The following WDR5B variants were observed in gnomAD, a reference collection of about 807,000 sequenced individuals.
WDR5B encodes the protein WD repeat-containing protein 5B.
In WDR5B, 17 loss-of-function variants were observed where a neutral mutation model predicts 24.0. That is an observed-to-expected ratio of 0.71 (90% CI 0.49 to 1.06). The LOEUF (loss-of-function observed/expected upper bound fraction) is 1.06, where lower values mean the gene tolerates loss of function less well. Ranked by LOEUF, WDR5B falls within the 50% of genes least tolerant of loss-of-function variation. The probability of loss-of-function intolerance (pLI) is 0.00; values close to 1 mark genes in which losing one functional copy is unlikely to be tolerated. For synonymous variants in WDR5B, 150 were observed against 146.4 expected (o/e 1.02, Z -0.18); for missense variants, 368 against 384.1 (o/e 0.96, Z 0.35).
Position 122,415,081 on chromosome 3 carries a change from T to C in WDR5B, c.448A>G (p.Lys150Glu). 1 of 1,614,194 alleles carries C rather than the reference T, an allele frequency of 6.2e-7. No homozygotes were observed. Among genetic ancestry groups the C allele is most frequent in the Non-Finnish European group, 8.5e-7 (1 of 1,180,044 alleles). ...TTTCCTGTTTTCACCTCCCATATTT[T>C]TACAGTCTCATCAAAAGATCCCGAG... is the stretch of plus-strand genomic sequence containing the variant. Reference protein sequence around the residue: ...IISGSFDETVKIWEVKTGKCL... With the variant: ...IISGSFDETVEIWEVKTGKCL... The change falls in exon 1 of 1, where the codon AAA (lysine) becomes GAA (glutamate). Residue 150 changes from lysine to glutamate, a missense_variant. By Grantham distance (56) the Lys-to-Glu change is moderately conservative. Coordinates refer to ENST00000330689, the MANE Select transcript of WDR5B (RefSeq NM_019069.4).
Position 122,414,369 on chromosome 3 carries a change from A to T in WDR5B, c.*167T>A. On this transcript the variant is annotated 3_prime_UTR_variant, in exon 1 of 1. Coordinates refer to ENST00000330689, the MANE Select transcript of WDR5B (RefSeq NM_019069.4). The stretch of plus-strand genomic sequence containing the variant: ...GATTGGTAGTCAGAAGCTGAATTCT[A>T]GATGTGCTTTTTCAACTATCTCATT... 1.2e-6 allele frequency: 1 copy of T among 854,978 alleles called. No individual in the cohort carries two copies. The highest frequency in any genetic ancestry group is 1.7e-6 in the Non-Finnish European group (1 of 577,626). The allele number at this position is 854,978 out of a possible 1,614,324, so 53.0% of individuals were successfully genotyped here.
Position 122,412,918 on chromosome 3 carries a change from A to G in WDR5B, c.*1618T>C, listed in dbSNP as rs886452528. 6.6e-6 allele frequency: 1 copy of G among 152,202 alleles called. No individual in the cohort carries two copies. The highest frequency in any genetic ancestry group is 2.4e-5 in the African/African-American group (1 of 41,428). 9.4% of individuals were successfully genotyped at this position (152,202 alleles called of 1,614,324 possible). On this transcript the variant is annotated 3_prime_UTR_variant, in exon 1 of 1. Transcript: ENST00000330689. The stretch of plus-strand genomic sequence containing the variant: ...ACACAGAATATTACCAAAAGTGTGC[A>G]GGTAGCATCTGCCATGTCTCTCCAG...
In WDR5B at chr3:122,414,617, A is replaced by G. The variant is rs1319698953; in HGVS notation, c.912T>C (p.Ala304=). 1.2e-6 allele frequency: 2 copies of G among 1,614,072 alleles called. No individual in the cohort carries two copies. Among genetic ancestry groups the G allele is most frequent in the Non-Finnish European group, 1.7e-6 (2 of 1,180,044 alleles). ...QGHTDVVISA[A]CHPTENLIAS... ...CGATGAGGTTTTCTGTAGGATGACA[A>G]GCTGCTGAGATCACAACATCTGTAT... Residue 304 remains alanine (A), a synonymous_variant, in exon 1 of 1, where the codon GCT becomes GCC. Coordinates refer to ENST00000330689, the MANE Select transcript of WDR5B (RefSeq NM_019069.4).
chr3:122,414,408 G>A lies in WDR5B; in HGVS notation c.*128C>T. ...AACTATCTCATTTTGTAAATGTAGT[G>A]TATGAATCTCAAAATTTAACAATAG... On this transcript the variant is annotated 3_prime_UTR_variant, in exon 1 of 1. Coordinates refer to ENST00000330689, the MANE Select transcript of WDR5B (RefSeq NM_019069.4). 2.7e-6 allele frequency: 3 copies of A among 1,131,366 alleles called. No homozygotes were observed. In the South Asian group the frequency reaches 4.9e-5, roughly 19 times the overall value. 70.1% of individuals were successfully genotyped at this position (1,131,366 alleles called of 1,614,324 possible). A position where few individuals can be genotyped will look rare whatever the true frequency, so the allele number is the denominator to read the frequency against.
In WDR5B at chr3:122,413,726, C is replaced by A. The variant is rs778651381; in HGVS notation, c.*810G>T. 5.9e-5 allele frequency: 9 copies of A among 152,208 alleles called. No individual in the cohort carries two copies. The highest frequency in any genetic ancestry group is 1.2e-4 in the Non-Finnish European group (8 of 68,030). The allele number at this position is 152,208 out of a possible 1,614,324, so 9.4% of individuals were successfully genotyped here. ...AACTAAAAACTACCATTCGATCCAGCAATCCCACTAGTAGGTATCTACCCA... is the reference window on the plus strand; with the variant it reads ...AACTAAAAACTACCATTCGATCCAGAAATCCCACTAGTAGGTATCTACCCA... On this transcript the variant is annotated 3_prime_UTR_variant, in exon 1 of 1. Coordinates refer to ENST00000330689, the MANE Select transcript of WDR5B (RefSeq NM_019069.4).
Position 122,415,406 on chromosome 3 carries a change from C to T in WDR5B, c.123G>A (p.Thr41=). The change falls in exon 1 of 1, where the codon ACG becomes ACA. Residue 41 remains threonine, a synonymous_variant. Transcript: ENST00000330689. The part of the protein sequence containing the change: ...YALKCTLVGH[T]EAVSSVKFSP... ...TAAACTTAACTGATGACACTGCTTC[C>T]GTGTGTCCCACAAGAGTACATTTGA... is the stretch of plus-strand genomic sequence containing the variant. 1 of 1,614,222 alleles carries T rather than the reference C, an allele frequency of 6.2e-7. No individual in the cohort carries two copies. Among genetic ancestry groups the T allele is most frequent in the Middle Eastern group, 1.6e-4 (1 of 6,062 alleles).
rs778680429 is a variant in WDR5B at position 122,414,812 on chromosome 3, A to G, written c.717T>C (p.Tyr239=). The G allele has an allele frequency of 3.5e-5, 57 of 1,614,060 alleles. No individual in the cohort carries two copies. Among genetic ancestry groups the G allele is most frequent in the Middle Eastern group, 1.6e-4 (1 of 6,084 alleles). Reference sequence around the variant, plus strand: ...ATGTTTTCAGGCACCTGCCTCTGCTATAATCCCATAGTTTAAGAGTGTTGT... The same window carrying G: ...ATGTTTTCAGGCACCTGCCTCTGCTGTAATCCCATAGTTTAAGAGTGTTGT... ...TLDNTLKLWD[Y]SRGRCLKTYT... is the part of the protein sequence containing the mutation. The change falls in exon 1 of 1, where the codon TAT becomes TAC. Residue 239 remains tyrosine, a synonymous_variant. Transcript: ENST00000330689.
rs768227519 is a variant in WDR5B at position 122,414,534 on chromosome 3, G to T, written c.*2C>A. The T allele has an allele frequency of 1.2e-6, 2 of 1,610,616 alleles. No homozygotes were observed. The highest frequency in any genetic ancestry group is 8.5e-7 in the Non-Finnish European group (1 of 1,177,472). On this transcript the variant is annotated 3_prime_UTR_variant, in exon 1 of 1. Transcript: ENST00000330689. Reference sequence around the variant, plus strand: ...GGCTCTACTACTTGATTTTCAAAGGGATTAGTGGTTACTCATCCACAGTTT... The same window carrying T: ...GGCTCTACTACTTGATTTTCAAAGGTATTAGTGGTTACTCATCCACAGTTT...
rs2075712803 is a variant in WDR5B, at chr3:122,413,048, TC to T, written c.*1487del. 3.9e-5 allele frequency: 6 copies of T among 152,322 alleles called. No homozygotes were observed. In the South Asian group the frequency reaches 1.2e-3, roughly 32 times the overall value. 9.4% of individuals were successfully genotyped at this position (152,322 alleles called of 1,614,324 possible). On this transcript the variant is annotated 3_prime_UTR_variant, in exon 1 of 1. Transcript: ENST00000330689. ...CTTGCTCCCCTCTTTTAATCAATCA[TC>T]CTGTCCTGTCAACTTTACTTCTAAA...
At position 122,412,997 on chromosome 3, in the gene WDR5B, G is replaced by C. The variant is rs890597847; in HGVS notation, c.*1539C>G. 1.3e-5 allele frequency: 2 copies of C among 152,128 alleles called. No individual in the cohort carries two copies. The highest frequency in any genetic ancestry group is 2.9e-5 in the Non-Finnish European group (2 of 68,030). The allele number at this position is 152,128 out of a possible 1,614,324, so 9.4% of individuals were successfully genotyped here. On this transcript the variant is annotated 3_prime_UTR_variant, in exon 1 of 1. Coordinates refer to ENST00000330689, the MANE Select transcript of WDR5B (RefSeq NM_019069.4). The stretch of plus-strand genomic sequence containing the variant: ...CTTGTTCATCTGATCTCCCAAACCA[G>C]AAACCCTGGAATTATTTCAAATTCC...
At position 122,414,047 on chromosome 3, in the gene WDR5B, C is replaced by T. The variant is rs775552949; in HGVS notation, c.*489G>A. The T allele has an allele frequency of 1.5e-4, 24 of 158,148 alleles. No individual in the cohort carries two copies. The highest frequency in any genetic ancestry group is 3.1e-4 in the Non-Finnish European group (22 of 71,648). The allele number at this position is 158,148 out of a possible 1,614,324, so 9.8% of individuals were successfully genotyped here. A position where few individuals can be genotyped will look rare whatever the true frequency, so the allele number is the denominator to read the frequency against. On this transcript the variant is annotated 3_prime_UTR_variant, in exon 1 of 1. Coordinates refer to ENST00000330689, the MANE Select transcript of WDR5B (RefSeq NM_019069.4). ...AAAAATAATGAAATCTTATCTTTTG[C>T]AACAACATGGATGGACCTGGAGGCC...
chr3:122,414,309 A>G lies in WDR5B; in HGVS notation c.*227T>C, dbSNP rs1344302988. On this transcript the variant is annotated 3_prime_UTR_variant, in exon 1 of 1. Coordinates refer to ENST00000330689, the MANE Select transcript of WDR5B (RefSeq NM_019069.4). ...TATATCCCTGTAATAAAAGTGACATAAATCCATAAAAATTACAAAAAGTTG... is the reference window on the plus strand; with the variant it reads ...TATATCCCTGTAATAAAAGTGACATGAATCCATAAAAATTACAAAAAGTTG... The G allele has an allele frequency of 6.6e-6, 4 of 604,230 alleles. No homozygotes were observed. Among genetic ancestry groups the G allele is most frequent in the Admixed American group, 3.4e-5 (1 of 29,660 alleles). The allele number at this position is 604,230 out of a possible 1,614,324, so 37.4% of individuals were successfully genotyped here. A position where few individuals can be genotyped will look rare whatever the true frequency, so the allele number is the denominator to read the frequency against.
rs1036811742 is a variant in WDR5B, at chr3:122,415,646, C to G, written c.-118G>C. 2.2e-6 allele frequency: 3 copies of G among 1,350,964 alleles called. No individual in the cohort carries two copies. The highest frequency in any genetic ancestry group is 3.0e-6 in the Non-Finnish European group (3 of 993,898). 83.7% of individuals were successfully genotyped at this position (1,350,964 alleles called of 1,614,324 possible). A position where few individuals can be genotyped will look rare whatever the true frequency, so the allele number is the denominator to read the frequency against. On this transcript the variant is annotated 5_prime_UTR_variant, in exon 1 of 1. Coordinates refer to ENST00000330689, the MANE Select transcript of WDR5B (RefSeq NM_019069.4). ...TAAACGCACAGGATTTTAAAATGTACAGTTTTGAAAGCTTAAAGTTTCTGG... is the reference window on the plus strand; with the variant it reads ...TAAACGCACAGGATTTTAAAATGTAGAGTTTTGAAAGCTTAAAGTTTCTGG...
chr3:122,415,239 C>T lies in WDR5B; in HGVS notation c.290G>A (p.Arg97His), dbSNP rs775481859. The change falls in exon 1 of 1, where the codon CGT becomes CAT. Residue 97 changes from arginine to histidine, a missense_variant. Transcript: ENST00000330689. ...TTTATCATCTGAGGCAGAAACAAGA[C>T]GACTGGAATCTGATGACCAGGCAAC... is the stretch of plus-strand genomic sequence containing the variant. ...SDVAWSSDSS[R>H]LVSASDDKTL... 6.2e-7 allele frequency: 1 copy of T among 1,614,208 alleles called. No homozygotes were observed. The highest frequency in any genetic ancestry group is 8.5e-7 in the Non-Finnish European group (1 of 1,180,048).
rs2075723521 is a variant in WDR5B at position 122,414,729 on chromosome 3, C to G, written c.800G>C (p.Gly267Ala). 6.2e-7 allele frequency: 1 copy of G among 1,614,174 alleles called. No homozygotes were observed. The highest frequency in any genetic ancestry group is 8.5e-7 in the Non-Finnish European group (1 of 1,180,044). ...CTCGGAACCAGACACAATCCACTTT[C>G]CACCAGTAACTGAAAAATTGGCAAA... Reference protein sequence around the residue: ...CIFANFSVTGGKWIVSGSEDN... With the variant: ...CIFANFSVTGAKWIVSGSEDN... Residue 267 changes from glycine (G) to alanine (A), a missense_variant, in exon 1 of 1, where the codon GGA becomes GCA. Gly to Ala is a moderately conservative substitution (Grantham distance 60, BLOSUM62 0). Transcript: ENST00000330689.
chr3:122,414,649 G>T lies in WDR5B; in HGVS notation c.880C>A (p.Gln294Lys). The stretch of plus-strand genomic sequence containing the variant: ...GAGATCACAACATCTGTATGGCCTT[G>T]TAATTTCTGCACAATCTCTTTAGTC... Reference protein sequence around the residue: ...LQTKEIVQKLQGHTDVVISAA... With the variant: ...LQTKEIVQKLKGHTDVVISAA... Residue 294 changes from glutamine to lysine, a missense_variant, in exon 1 of 1, where the codon CAA becomes AAA. Gln to Lys is a moderately conservative substitution (Grantham distance 53, BLOSUM62 1). Transcript: ENST00000330689. 1 of 1,614,178 alleles carries T rather than the reference G, an allele frequency of 6.2e-7. No individual in the cohort carries two copies. The highest frequency in any genetic ancestry group is 8.5e-7 in the Non-Finnish European group (1 of 1,180,036).
Position 122,414,341 on chromosome 3 carries a change from A to G in WDR5B, c.*195T>C. The G allele has an allele frequency of 4.3e-6, 3 of 702,958 alleles. No individual in the cohort carries two copies. Among genetic ancestry groups the G allele is most frequent in the South Asian group, 2.1e-5 (1 of 47,958 alleles). 43.5% of individuals were successfully genotyped at this position (702,958 alleles called of 1,614,324 possible). Reference sequence around the variant, plus strand: ...TAAAAATTACAAAAAGTTGCTCAAAAAAGATTGGTAGTCAGAAGCTGAATT... The same window carrying G: ...TAAAAATTACAAAAAGTTGCTCAAAGAAGATTGGTAGTCAGAAGCTGAATT... On this transcript the variant is annotated 3_prime_UTR_variant, in exon 1 of 1. Transcript: ENST00000330689.
Position 122,414,866 on chromosome 3 carries a change from A to G in WDR5B, c.663T>C (p.Asn221=), listed in dbSNP as rs769493670. The G allele has an allele frequency of 6.2e-7, 1 of 1,614,198 alleles. No individual in the cohort carries two copies. The highest frequency in any genetic ancestry group is 1.1e-5 in the South Asian group (1 of 91,092). Residue 221 remains asparagine (N), a synonymous_variant, in exon 1 of 1, where the codon AAT becomes AAC. Coordinates refer to ENST00000330689, the MANE Select transcript of WDR5B (RefSeq NM_019069.4). ...AAGTTGCAGTGAGAATGTATTTACC[A>G]TTTGGAGAAAATTTTACAAAAGAGA... is the stretch of plus-strand genomic sequence containing the variant. ...PPVSFVKFSP[N]GKYILTATLD...
In WDR5B at chr3:122,415,017, G is replaced by A. The variant is rs142230367; in HGVS notation, c.512C>T (p.Ser171Phe). Residue 171 changes from serine (S) to phenylalanine (F), a missense_variant, in exon 1 of 1, where the codon TCT becomes TTT. By Grantham distance (155) the Ser-to-Phe change is radical. Coordinates refer to ENST00000330689, the MANE Select transcript of WDR5B (RefSeq NM_019069.4). Reference sequence around the variant, plus strand: ...CCCACTACAATTAAAATGAACAGCAGAAACTGGGTCAGAATGAGCAGACAA... The same window carrying A: ...CCCACTACAATTAAAATGAACAGCAAAAACTGGGTCAGAATGAGCAGACAA... ...KTLSAHSDPVSAVHFNCSGSL... is the reference protein window; with the variant it reads ...KTLSAHSDPVFAVHFNCSGSL... The A allele has an allele frequency of 3.5e-5, 56 of 1,614,070 alleles. No individual in the cohort carries two copies. Among genetic ancestry groups the A allele is most frequent in the Non-Finnish European group, 4.4e-5 (52 of 1,180,054 alleles).
Sources: gnomAD v4.1 joint callset for allele counts on GRCh38, gnomAD v4.1.1 for gene constraint, MANE v1.5 for transcripts, NCBI Gene and HGNC (gene_info 2026-07-23, HGNC 2026-07-21) for gene names.